The following PCSK5 variants were observed in gnomAD, a reference collection of about 807,000 sequenced individuals.
PCSK5 encodes the protein proprotein convertase subtilisin/kexin type 5.
Under a neutral mutation model 233.2 loss-of-function variants are expected in PCSK5, and 129 were observed. The observed-to-expected ratio is 0.55, with a 90% CI of 0.48 to 0.64. The LOEUF (loss-of-function observed/expected upper bound fraction) is 0.64, where lower values mean the gene tolerates loss of function less well. Ranked by LOEUF, PCSK5 falls within the 30% of genes least tolerant of loss-of-function variation. The pLI is 0.00. For missense variants in PCSK5, 2,076 were observed against 2,430.1 expected (o/e 0.85, Z 3.06); for synonymous variants, 825 against 879.2 (o/e 0.94, Z 1.09).
intron 24 of PCSK5, among the ~76,000 whole-genome samples, chr9:76,269,982 A>T (rs1239113124): frequency 6.6e-6 from 1 of 152,194 alleles, no homozygotes; most frequent in Admixed American, 6.5e-5. Flanking sequence ...AATATGCCTG[A>T]TGATGAATAG....
At chr9:76,057,846 T>G (rs2131573513) in intron 5 of PCSK5, among the ~76,000 whole-genome samples, 1 of 143,444 alleles carries the variant, frequency 7.0e-6, no homozygotes, top group South Asian at 2.4e-4. Flanking sequence ...TTTTTTTTTT[T>G]TTTTTTTTTT....
intron 2 of PCSK5, among the ~76,000 whole-genome samples, chr9:75,969,434 G>A (rs192754469): frequency 1.9e-3 from 292 of 152,260 alleles, no homozygotes; most frequent in African/African-American, 6.4e-3. Context: ...GGTCTTGGAG[G>A]CACTTCCCTG....
At position 76,147,573 on chromosome 9, in the gene PCSK5, C is replaced by T. The variant is rs74422367; in HGVS notation, c.1313-9472C>T. Among the ~76,000 whole-genome samples the T allele has an allele frequency of 2.6e-4, 39 of 152,298 alleles. 1 individual carries two copies. In the East Asian group the frequency reaches 7.3e-3, roughly 29 times the overall value. On this transcript the variant is annotated intron_variant, in intron 10 of 37. Transcript: ENST00000674117. ...ACATTCTGGGCCTTACCTCAAAACT[C>T]CTGAATCACTGGGACTGAGAAATGT...
chr9:75,968,216 A>T (rs1825676868), intron 2 of PCSK5, among the ~76,000 whole-genome samples: 1 of 152,228 alleles, frequency 6.6e-6, no homozygotes, highest in Non-Finnish European at 1.5e-5. Context: ...TGTTGAATCG[A>T]GTTGATTTGA....
intron 5 of PCSK5, among the ~76,000 whole-genome samples, chr9:76,044,087 A>T (rs2131540012): frequency 6.6e-6 from 1 of 152,276 alleles, no homozygotes; most frequent in South Asian, 2.1e-4. Context: ...AATGTTAATA[A>T]ATATAAATGT....
intron 5 of PCSK5, among the ~76,000 whole-genome samples, chr9:76,034,769 G>C (rs899703554): frequency 6.6e-6 from 1 of 152,176 alleles, no homozygotes; most frequent in African/African-American, 2.4e-5. Context: ...GTAGGAAATA[G>C]AAAGGCAAGA....
At chr9:75,981,733 C>CT (rs200619455) in intron 2 of PCSK5, among the ~76,000 whole-genome samples, 11 of 151,264 alleles carry the variant, frequency 7.3e-5, no homozygotes, top group Non-Finnish European at 8.9e-5. Context: ...TTTAAACATT[C>CT]TTTTTTTTTG....
At chr9:76,293,348 G>A (rs1299522255) in intron 25 of PCSK5, among the ~76,000 whole-genome samples, 6 of 152,210 alleles carry the variant, frequency 3.9e-5, no homozygotes, top group Non-Finnish European at 8.8e-5. Flanking sequence ...TCAGTTCTTA[G>A]CCTTACGGTT....
chr9:76,117,867 G>A (rs1478208578), intron 9 of PCSK5, among the ~76,000 whole-genome samples: 9 of 152,104 alleles, frequency 5.9e-5, no homozygotes, highest in Non-Finnish European at 1.3e-4. Flanking sequence ...TTAAAATAGG[G>A]AGGTGAGGTC....
At chr9:76,298,985 A>G (rs1427698180) in intron 27 of PCSK5, among the ~76,000 whole-genome samples, 1 of 152,208 alleles carries the variant, frequency 6.6e-6, no homozygotes, top group African/African-American at 2.4e-5. Flanking sequence ...GCGTCTGAAG[A>G]CTACAACCAA....
chr9:76,258,742 C>T (rs1000166011), intron 24 of PCSK5, among the ~76,000 whole-genome samples: 1 of 152,136 alleles, frequency 6.6e-6, no homozygotes, highest in Non-Finnish European at 1.5e-5. Flanking sequence ...AAAGGAGCAA[C>T]TGGAAAGTTT....
chr9:76,228,499 G>A (rs946541814), intron 21 of PCSK5, among the ~76,000 whole-genome samples: 3 of 152,304 alleles, frequency 2.0e-5, no homozygotes, highest in East Asian at 1.9e-4. Context: ...ACCACAGTTC[G>A]GGGATAATAG....
At chr9:76,133,158 GT>G (rs1231862851) in intron 9 of PCSK5, among the ~76,000 whole-genome samples, 1 of 152,030 alleles carries the variant, frequency 6.6e-6, no homozygotes, top group Non-Finnish European at 1.5e-5. Context: ...AAGGTAGCTG[GT>G]GAGAAACAAA....
At chr9:76,051,796 A>T (rs1035521012) in intron 5 of PCSK5, among the ~76,000 whole-genome samples, 1 of 152,170 alleles carries the variant, frequency 6.6e-6, no homozygotes, top group African/African-American at 2.4e-5. Context: ...CCAGTCCTCT[A>T]TTTGTGGTGG....
intron 2 of PCSK5, among the ~76,000 whole-genome samples, chr9:75,933,669 T>C (rs1823915255): frequency 2.6e-5 from 4 of 152,228 alleles, no homozygotes. Flanking sequence ...AAGCACATAC[T>C]TTCTATGTCC....
chr9:76,050,400 C>G (rs1829580892), intron 5 of PCSK5, among the ~76,000 whole-genome samples: 2 of 152,082 alleles, frequency 1.3e-5, no homozygotes. Context: ...TAATTTGATA[C>G]AGGTCATTAT....
At chr9:76,276,782 T>G (rs750539164) in intron 24 of PCSK5, among the ~76,000 whole-genome samples, 4 of 152,206 alleles carry the variant, frequency 2.6e-5, no homozygotes, top group Non-Finnish European at 5.9e-5. Flanking sequence ...CTTCACCCAA[T>G]GCATATTTCT....
At chr9:76,332,198 C>T (rs1202405627) in intron 33 of PCSK5, among the ~76,000 whole-genome samples, 1 of 152,154 alleles carries the variant, frequency 6.6e-6, no homozygotes, top group Admixed American at 6.5e-5. Context: ...TTGGGTGGGA[C>T]ACAGAGCCAA....
chr9:76,047,557 A>G (rs191412832), intron 5 of PCSK5, among the ~76,000 whole-genome samples: 1 of 152,298 alleles, frequency 6.6e-6, no homozygotes. Flanking sequence ...TCAAGGTAGC[A>G]AACCAATTTT....
Sources: gnomAD v4.1 joint callset for allele counts (sites outside exome capture counted in the v4.1 genomes callset) on GRCh38, gnomAD v4.1.1 for gene constraint, MANE v1.5 for transcripts, NCBI Gene and HGNC (gene_info 2026-07-23, HGNC 2026-07-21) for gene names.